TPGS2: variants seen among roughly 807,000 people sequenced by gnomAD.
TPGS2 encodes tubulin polyglutamylase complex subunit 2, also known as polyglutamylase subunit 2.
In TPGS2, 26 loss-of-function variants were observed where a neutral mutation model predicts 31.1. That is an observed-to-expected ratio of 0.84 (90% confidence interval 0.61 to 1.16). TPGS2 has a LOEUF of 1.16. TPGS2 is among the 50% of genes most tolerant of loss of function. The pLI is 0.00. For missense variants in TPGS2, 351 were observed against 363.8 expected (o/e 0.96, Z 0.29); for synonymous variants, 130 against 136.6 (o/e 0.95, Z 0.34).
Position 36,794,219 on chromosome 18 carries a change from A to ACAG in TPGS2, c.*2585_*2586insCTG. 1 of 920,038 alleles carries ACAG rather than the reference A, an allele frequency of 1.1e-6. No homozygotes were observed. Among genetic ancestry groups the ACAG allele is most frequent in the Non-Finnish European group, 1.3e-6 (1 of 770,464 alleles). 57.0% of individuals were successfully genotyped at this position (920,038 alleles called of 1,614,324 possible). ...GAAGAAAGGAAAAACATTACATTTT[A>ACAG]GTACCTGTAAAGGTAATGTTTTCCT... On this transcript the variant is annotated 3_prime_UTR_variant, in exon 7 of 7. Coordinates refer to ENST00000334295, the MANE Select transcript of TPGS2 (RefSeq NM_015476.4).
chr18:36,827,515 C>T (rs996006517), intron 1 of TPGS2, among the ~76,000 whole-genome samples: 1 of 152,182 alleles, frequency 6.6e-6, no homozygotes, highest in Non-Finnish European at 1.5e-5. Flanking sequence ...GTTTAAGGTA[C>T]AGCTAGAAGG....
At position 36,805,535 on chromosome 18, in the gene TPGS2, G is replaced by C. The variant is rs1228706741; in HGVS notation, c.254-33C>G. The C allele has an allele frequency of 1.9e-6, 3 of 1,612,962 alleles. No individual in the cohort carries two copies. In the Admixed American group the frequency reaches 5.0e-5, roughly 27 times the overall value. ...AACATGCGTTAAGGAGAATTACATG[G>C]AGTAACAGCCTAGTTACAATGGTTA... On this transcript the variant is annotated intron_variant, in intron 3 of 6. Transcript: ENST00000334295.
chr18:36,826,113 C>G (rs1248016318), intron 1 of TPGS2, among the ~76,000 whole-genome samples: 1 of 152,162 alleles, frequency 6.6e-6, no homozygotes, highest in Non-Finnish European at 1.5e-5. Context: ...TCACAGGTCA[C>G]TGTAGCCTCG....
At position 36,797,020 on chromosome 18, in the gene TPGS2, A is replaced by G. The variant is rs745539655; in HGVS notation, c.688T>C (p.Tyr230His). 2 of 1,597,610 alleles carry G rather than the reference A, an allele frequency of 1.3e-6. No individual in the cohort carries two copies. Among genetic ancestry groups the G allele is most frequent in the East Asian group, 4.5e-5 (2 of 44,704 alleles). The change falls in exon 7 of 7, where the codon TAC becomes CAC. Residue 230 changes from tyrosine to histidine, a missense_variant. Tyr to His is a moderately conservative substitution (Grantham distance 83, BLOSUM62 2). Coordinates refer to ENST00000334295, the MANE Select transcript of TPGS2 (RefSeq NM_015476.4). ...QWFSMYKPIT[Y>H]NTNLLTEETD... Reference sequence around the variant, plus strand: ...TCTTCTGTGAGCAGGTTTGTGTTGTAGGTGATAGGTTTATACATGCTGAAC... The same window carrying G: ...TCTTCTGTGAGCAGGTTTGTGTTGTGGGTGATAGGTTTATACATGCTGAAC...
rs552765608 is a variant in TPGS2, at chr18:36,803,842, T to A, written c.382+1532A>T. ...TCTTAAATCTCCTTAAGTATTCTTG[T>A]TCTTAGATTTTTATCTGTGTCCTCT... is the stretch of plus-strand genomic sequence containing the variant. On this transcript the variant is annotated intron_variant, in intron 4 of 6. Transcript: ENST00000334295. Among the ~76,000 whole-genome samples, 4 of 152,316 alleles carry A rather than the reference T, an allele frequency of 2.6e-5. No individual in the cohort carries two copies. In the South Asian group the frequency reaches 8.3e-4, roughly 32 times the overall value.
At chr18:36,820,116 T>A (rs1264527043) in intron 1 of TPGS2, among the ~76,000 whole-genome samples, 1 of 152,246 alleles carries the variant, frequency 6.6e-6, no homozygotes, top group Non-Finnish European at 1.5e-5. Context: ...AATCTTGGGA[T>A]GCAGCAATAG....
chr18:36,815,418 G>A (rs2045608463), intron 2 of TPGS2, among the ~76,000 whole-genome samples: 1 of 152,080 alleles, frequency 6.6e-6, no homozygotes, highest in Non-Finnish European at 1.5e-5. Context: ...TTGGGGTTAT[G>A]AGTCCCTTTG....
intron 6 of TPGS2, among the ~76,000 whole-genome samples, chr18:36,797,522 T>C (rs1384709253): frequency 6.6e-6 from 1 of 150,926 alleles, no homozygotes; most frequent in Admixed American, 6.7e-5. Flanking sequence ...CTACTGTTTT[T>C]TTTTTTTGGC....
At position 36,818,976 on chromosome 18, in the gene TPGS2, G is replaced by A. The variant is rs201069838; in HGVS notation, c.86-3C>T. 1 of 1,610,168 alleles carries A rather than the reference G, an allele frequency of 6.2e-7. No homozygotes were observed. Among genetic ancestry groups the A allele is most frequent in the East Asian group, 2.2e-5 (1 of 44,866 alleles). On this transcript the variant is annotated splice_region_variant and splice_polypyrimidine_tract_variant and intron_variant, in intron 1 of 6. Transcript: ENST00000334295. ...CTCAGTCACACCTGGGGAAGATTCT[G>A]GAAGAGAAAAAAGAGTCTGTAGAGT...
chr18:36,787,019 G>T, intron 6 of TPGS2: 1 of 1,234,210 alleles, frequency 8.1e-7, no homozygotes, highest in Non-Finnish European at 1.0e-6. Context: ...CATTGGAGGG[G>T]CTCAACAGCC....
At chr18:36,797,165 G>A in intron 6 of TPGS2, 115 bp from the exon 7 acceptor site, 4 of 1,541,316 alleles carry the variant, frequency 2.6e-6, no homozygotes, top group Non-Finnish European at 3.5e-6. Context: ...ACATTTTCAT[G>A]AAAAACTGCC....
chr18:36,818,842 T>C, intron 2 of TPGS2, 52 bp downstream of exon 2: 2 of 1,532,984 alleles, frequency 1.3e-6, no homozygotes, highest in Non-Finnish European at 9.0e-7. Flanking sequence ...CTCAGGGACA[T>C]TTACACTGAC....
intron 5 of TPGS2, 46 bp from the exon 6 acceptor site, chr18:36,798,655 A>C (rs773777187): frequency 6.3e-7 from 1 of 1,586,656 alleles, no homozygotes; most frequent in African/African-American, 1.4e-5. Context: ...ATAGCTTAAC[A>C]GTTTTTTCTT....
intron 2 of TPGS2, among the ~76,000 whole-genome samples, chr18:36,815,455 C>T (rs748798718): frequency 9.2e-5 from 14 of 152,070 alleles, no homozygotes; most frequent in Non-Finnish European, 1.6e-4. Context: ...TTTTCCCCCA[C>T]CTCCCAAAAA....
At position 36,794,134 on chromosome 18, in the gene TPGS2, AG is replaced by A. The variant is rs1440901300; in HGVS notation, c.*2670del. 4.6e-5 allele frequency: 15 copies of A among 324,164 alleles called. No individual in the cohort carries two copies. Among genetic ancestry groups the A allele is most frequent in the African/African-American group, 3.4e-4 (15 of 44,740 alleles). 20.1% of individuals were successfully genotyped at this position (324,164 alleles called of 1,614,324 possible). ...GAATTTAACATTTAAGTTTTTAGTT[AG>A]AACAGCATTAAGTAGCAAATAAAAA... On this transcript the variant is annotated 3_prime_UTR_variant, in exon 7 of 7. Coordinates refer to ENST00000334295, the MANE Select transcript of TPGS2 (RefSeq NM_015476.4).
chr18:36,794,426 C>T lies in TPGS2; in HGVS notation c.*2379G>A, dbSNP rs545004950. 3.7e-5 allele frequency: 36 copies of T among 985,454 alleles called. No homozygotes were observed. Among genetic ancestry groups the T allele is most frequent in the East Asian group, 1.1e-4 (1 of 8,798 alleles). The allele number at this position is 985,454 out of a possible 1,614,324, so 61.0% of individuals were successfully genotyped here. A position where few individuals can be genotyped will look rare whatever the true frequency, so the allele number is the denominator to read the frequency against. ...TGATTGCCACAGATTTGAGTGACAC[C>T]GCTGACCTCCTGGTTCCTCCGCTGC... On this transcript the variant is annotated 3_prime_UTR_variant, in exon 7 of 7. Transcript: ENST00000334295.
chr18:36,801,196 C>G (rs11660045), intron 4 of TPGS2, among the ~76,000 whole-genome samples: 18,366 of 152,182 alleles, frequency 0.12, 1,379 homozygotes, highest in Admixed American at 0.17. Context: ...TCATTATATG[C>G]GACAGATTCC....
At chr18:36,806,850 T>TA (rs397962723) in intron 3 of TPGS2, among the ~76,000 whole-genome samples, 2,648 of 37,304 alleles carry the variant, frequency 0.071, 592 homozygotes, top group East Asian at 0.079. Context: ...GACTCCATCT[T>TA]AAAAAAAAAA....
In TPGS2 at chr18:36,794,555, C is replaced by G. The variant is rs2044433916; in HGVS notation, c.*2250G>C. ...TGCAGTGGAAGATGACATAACTTCT[C>G]AACTCCCTTCTAACCTCGCTTGTCT... On this transcript the variant is annotated 3_prime_UTR_variant, in exon 7 of 7. Transcript: ENST00000334295. The G allele has an allele frequency of 1.0e-6, 1 of 985,250 alleles. No individual in the cohort carries two copies. Among genetic ancestry groups the G allele is most frequent in the African/African-American group, 1.7e-5 (1 of 57,208 alleles). 61.0% of individuals were successfully genotyped at this position (985,250 alleles called of 1,614,324 possible).
Sources: gnomAD v4.1 joint callset for allele counts (sites outside exome capture counted in the v4.1 genomes callset) on GRCh38, gnomAD v4.1.1 for gene constraint, MANE v1.5 for transcripts, NCBI Gene and HGNC (gene_info 2026-07-23, HGNC 2026-07-21) for gene names.